FKBP1B: variants seen among roughly 807,000 people sequenced by gnomAD.
FKBP1B encodes the protein FKBP prolyl isomerase 1B, also known as peptidyl-prolyl cis-trans isomerase FKBP1B.
In FKBP1B, 4 loss-of-function variants were observed where a neutral mutation model predicts 13.5. The observed-to-expected ratio is 0.30, with a 90% CI of 0.15 to 0.68. The LOEUF is 0.68. FKBP1B is among the 30% of genes least tolerant of loss of function. FKBP1B has a pLI of 0.76. For synonymous variants in FKBP1B, 54 were observed against 53.6 expected (o/e 1.01, Z -0.03); for missense variants, 93 against 136.2 (o/e 0.68, Z 1.58).
the FKBP1B span, chr2:24,038,573 A>G: frequency 6.2e-7 from 1 of 1,614,148 alleles, no homozygotes; most frequent in Non-Finnish European, 8.5e-7. Flanking sequence ...CCTGTCAAGT[A>G]GTCCTTTTTT....
At chr2:24,059,378 G>GGGGT (rs1553320960) in intron 2 of FKBP1B, among the ~76,000 whole-genome samples, 3 of 151,914 alleles carry the variant, frequency 2.0e-5, no homozygotes, top group African/African-American at 4.8e-5. Flanking sequence ...CACCTGGGGG[G>GGGGT]GGGTTCTGGT....
rs759798609 is a variant in FKBP1B at position 24,049,809 on chromosome 2, A to C, written c.-41A>C. On this transcript the variant is annotated 5_prime_UTR_variant, in exon 1 of 4. Transcript: ENST00000380986. ...GGCCGGAGCCGAGCCGGGGTCGGGC[A>C]GCAGCAGGGACCCCCCAGAGGCGGG... 120 of 1,330,366 alleles carry C rather than the reference A, an allele frequency of 9.0e-5. No homozygotes were observed. The African/African-American group carries it at 1.8e-3, about 19-fold the overall frequency. The allele number at this position is 1,330,366 out of a possible 1,614,324, so 82.4% of individuals were successfully genotyped here. A position where few individuals can be genotyped will look rare whatever the true frequency, so the allele number is the denominator to read the frequency against.
At chr2:24,060,781 C>T (rs747248715) in intron 2 of FKBP1B, 33 bp from the exon 3 acceptor site, 2 of 1,530,432 alleles carry the variant, frequency 1.3e-6, no homozygotes, top group East Asian at 2.2e-5. Flanking sequence ...CTCATGACCA[C>T]AGCTCTATTG....
the FKBP1B span, chr2:24,039,642 G>A: frequency 1.4e-6 from 1 of 734,504 alleles, no homozygotes; most frequent in Non-Finnish European, 2.2e-6. Context: ...GACAGGGGGA[G>A]TATTATAAAT....
At chr2:24,062,379 A>G (rs187922229) in intron 3 of FKBP1B, among the ~76,000 whole-genome samples, 9 of 151,894 alleles carry the variant, frequency 5.9e-5, no homozygotes, top group Non-Finnish European at 1.5e-5. Context: ...GGGTCTCACC[A>G]TGTTTGCCAG....
upstream of FKBP1B, among the ~76,000 whole-genome samples, chr2:24,045,552 G>A (rs984710919): frequency 1.4e-5 from 2 of 143,154 alleles, no homozygotes; most frequent in South Asian, 4.6e-4. Context: ...AGTGAGCCGA[G>A]TTTGCGCCAC....
At chr2:24,049,928 G>C in intron 1 of FKBP1B, 42 bp downstream of exon 1, 1 of 1,366,440 alleles carries the variant, frequency 7.3e-7, no homozygotes. Context: ...GAGGGGTCCC[G>C]GGGCGGAGCC....
chr2:24,063,319 C>A lies in FKBP1B; in HGVS notation c.*127C>A. The A allele has an allele frequency of 1.1e-6, 1 of 879,250 alleles. No homozygotes were observed. The highest frequency in any genetic ancestry group is 1.6e-6 in the Non-Finnish European group (1 of 608,320). 54.5% of individuals were successfully genotyped at this position (879,250 alleles called of 1,614,324 possible). On this transcript the variant is annotated 3_prime_UTR_variant, in exon 4 of 4. Coordinates refer to ENST00000380986, the MANE Select transcript of FKBP1B (RefSeq NM_004116.5). ...TGCTAACCTCACTGCCTCATGGCATCATCCATTCTCTCTGCCCAAGTTGCT... is the reference window on the plus strand; with the variant it reads ...TGCTAACCTCACTGCCTCATGGCATAATCCATTCTCTCTGCCCAAGTTGCT...
upstream of FKBP1B, among the ~76,000 whole-genome samples, chr2:24,047,583 G>T (rs568649989): frequency 2.6e-5 from 4 of 152,186 alleles, no homozygotes; most frequent in Non-Finnish European, 2.9e-5. Flanking sequence ...CGCACGGATC[G>T]CTGGGAGTGG....
At chr2:24,034,915 T>C in the FKBP1B span, among the ~76,000 whole-genome samples, 1 of 151,942 alleles carries the variant, frequency 6.6e-6, no homozygotes, top group Non-Finnish European at 1.5e-5. Context: ...AAATATAAAA[T>C]TTTACATTTA....
the FKBP1B span, among the ~76,000 whole-genome samples, chr2:24,042,619 G>A: frequency 1.3e-5 from 2 of 151,314 alleles, no homozygotes; most frequent in South Asian, 4.2e-4. Context: ...TGAGGCAGGA[G>A]AATCGCTTGA....
chr2:24,054,275 G>A, intron 2 of FKBP1B: 1 of 515,374 alleles, frequency 1.9e-6, no homozygotes, highest in Non-Finnish European at 3.7e-6. Context: ...CTGATATTTG[G>A]AAATCCCTCC....
chr2:24,039,232 C>CA, the FKBP1B span: 1 of 1,614,220 alleles, frequency 6.2e-7, no homozygotes, highest in Non-Finnish European at 8.5e-7. Flanking sequence ...ACACAGCTGC[C>CA]ACACAGTGAC....
chr2:24,059,305 G>A lies in FKBP1B; in HGVS notation c.86-1509G>A, dbSNP rs1558347448. Among the ~76,000 whole-genome samples the A allele has an allele frequency of 2.0e-5, 3 of 151,368 alleles. No homozygotes were observed. The East Asian group carries it at 5.8e-4, about 29-fold the overall frequency. On this transcript the variant is annotated intron_variant, in intron 2 of 3. Coordinates refer to ENST00000380986, the MANE Select transcript of FKBP1B (RefSeq NM_004116.5). Reference sequence around the variant, plus strand: ...TTGGGCTGCTGGACTGAGATGACATGTGGACATCAGGATGACAAGGCTTCT... The same window carrying A: ...TTGGGCTGCTGGACTGAGATGACATATGGACATCAGGATGACAAGGCTTCT...
intron 2 of FKBP1B, among the ~76,000 whole-genome samples, chr2:24,057,997 G>C (rs1664217277): frequency 6.6e-6 from 1 of 151,950 alleles, no homozygotes; most frequent in Non-Finnish European, 1.5e-5. Context: ...AGGAGTTCGA[G>C]ACCAGCCTTG....
upstream of FKBP1B, among the ~76,000 whole-genome samples, chr2:24,046,395 C>G (rs1206563342): frequency 2.0e-5 from 3 of 152,156 alleles, no homozygotes; most frequent in Non-Finnish European, 4.4e-5. Flanking sequence ...CCTATTGTTT[C>G]ACAATCTCCA....
At chr2:24,040,627 TA>T in the FKBP1B span, among the ~76,000 whole-genome samples, 1 of 152,264 alleles carries the variant, frequency 6.6e-6, no homozygotes, top group Non-Finnish European at 1.5e-5. Context: ...TATCTTACAA[TA>T]ATCTTTTAAA....
upstream of FKBP1B, among the ~76,000 whole-genome samples, chr2:24,044,915 C>G (rs554704451): frequency 2.0e-5 from 3 of 151,348 alleles, no homozygotes; most frequent in Non-Finnish European, 4.4e-5. Flanking sequence ...ATATAAAAAG[C>G]CTCAAAATGT....
the FKBP1B span, among the ~76,000 whole-genome samples, chr2:24,036,059 G>A: frequency 6.3e-5 from 7 of 111,630 alleles, no homozygotes; most frequent in African/African-American, 2.2e-4. Flanking sequence ...CAGAGACTCC[G>A]TCTCAAAAAT....
Sources: gnomAD v4.1 joint callset for allele counts (sites outside exome capture counted in the v4.1 genomes callset) on GRCh38, gnomAD v4.1.1 for gene constraint, MANE v1.5 for transcripts, NCBI Gene and HGNC (gene_info 2026-07-23, HGNC 2026-07-21) for gene names.